SEC63: variants seen among roughly 807,000 people sequenced by gnomAD.
The protein encoded by SEC63 is translocation protein SEC63 homolog.
Under a neutral mutation model 116.2 loss-of-function variants are expected in SEC63, and 56 were observed. The ratio of observed to expected loss-of-function variants is 0.48; its 90% CI spans 0.39 to 0.60. The LOEUF (loss-of-function observed/expected upper bound fraction) is 0.60, where lower values mean the gene tolerates loss of function less well. Among genes scored for constraint, SEC63 ranks in the 20% least tolerant of loss-of-function variants. SEC63 has a pLI of 0.00. For missense variants in SEC63, 668 were observed against 900.0 expected (o/e 0.74, Z 3.30); for synonymous variants, 273 against 294.6 (o/e 0.93, Z 0.75).
At chr6:107,889,725 T>C (rs145565335) in intron 16 of SEC63, among the ~76,000 whole-genome samples, 1,889 of 152,330 alleles carry the variant, frequency 0.012, 21 homozygotes, top group South Asian at 0.026. Context: ...TTTAGTGATA[T>C]AAATTTCCCT....
At chr6:107,938,365 C>G (rs756813901) in intron 1 of SEC63, among the ~76,000 whole-genome samples, 10 of 151,624 alleles carry the variant, frequency 6.6e-5, no homozygotes, top group Non-Finnish European at 1.3e-4. Context: ...ATCCTCTCAC[C>G]TCAGCCTCTG....
At chr6:107,876,880 G>C (rs1260360557) in intron 18 of SEC63, 1 of 509,396 alleles carries the variant, frequency 2.0e-6, no homozygotes, top group East Asian at 3.4e-5. Context: ...CAATTTTGGG[G>C]ATTTCAATAG....
chr6:107,881,061 C>A, intron 18 of SEC63, 88 bp downstream of exon 18: 1 of 920,418 alleles, frequency 1.1e-6, no homozygotes, highest in Non-Finnish European at 1.8e-6. Context: ...TGAACTAATA[C>A]ACACGACAGA....
intron 8 of SEC63, among the ~76,000 whole-genome samples, chr6:107,907,657 T>C (rs1404154356): frequency 1.3e-5 from 2 of 152,210 alleles, no homozygotes; most frequent in Non-Finnish European, 2.9e-5. Context: ...CCTTGGTATT[T>C]TGTCACTTCC....
chr6:107,897,501 A>G, intron 14 of SEC63, 148 bp downstream of exon 14: 2 of 683,450 alleles, frequency 2.9e-6, no homozygotes, highest in Non-Finnish European at 5.2e-6. Context: ...GTCTCATGAA[A>G]ATTAATTTAA....
chr6:107,921,350 A>G (rs1787551717), intron 4 of SEC63, among the ~76,000 whole-genome samples: 1 of 152,222 alleles, frequency 6.6e-6, no homozygotes, highest in Admixed American at 6.5e-5. Flanking sequence ...TTACCACGTT[A>G]GTGCTGCTGT....
intron 2 of SEC63, among the ~76,000 whole-genome samples, chr6:107,928,629 T>C (rs1048764548): frequency 6.6e-6 from 1 of 152,228 alleles, no homozygotes; most frequent in Admixed American, 6.5e-5. Context: ...CTACTCTCAC[T>C]AATTTCTTTT....
intron 1 of SEC63, among the ~76,000 whole-genome samples, chr6:107,952,639 T>C (rs997260342): frequency 1.3e-5 from 2 of 152,032 alleles, no homozygotes; most frequent in African/African-American, 4.8e-5. Flanking sequence ...GCACCTGTAA[T>C]ACCAGCTACT....
At chr6:107,921,015 T>G (rs1047115618) in intron 4 of SEC63, among the ~76,000 whole-genome samples, 2 of 152,198 alleles carry the variant, frequency 1.3e-5, no homozygotes, top group African/African-American at 2.4e-5. Context: ...AAAGGAGACC[T>G]TAAAAATCCA....
Position 107,924,911 on chromosome 6 carries a change from T to C in SEC63, c.246A>G (p.Gly82=). The C allele has an allele frequency of 2.5e-6, 4 of 1,592,640 alleles. No homozygotes were observed. Among genetic ancestry groups the C allele is most frequent in the African/African-American group, 1.3e-5 (1 of 74,564 alleles). The change falls in exon 3 of 21, where the codon GGA becomes GGG. Residue 82 remains glycine (G), a synonymous_variant. Coordinates refer to ENST00000369002, the MANE Select transcript of SEC63 (RefSeq NM_007214.5). The part of the protein sequence containing the change: ...PTVKKIVLLA[G]WALFLFLAYK... ...ATGCAAGGAATAAGAACAATGCCCA[T>C]CCTGCAAGCAGAACTATTTTCCTGT...
At chr6:107,944,488 A>G (rs1770440600) in intron 1 of SEC63, among the ~76,000 whole-genome samples, 1 of 152,114 alleles carries the variant, frequency 6.6e-6, no homozygotes, top group Non-Finnish European at 1.5e-5. Context: ...ACTTGAGGTC[A>G]GGAGTTCAAG....
Position 107,908,984 on chromosome 6 carries a change from G to C in SEC63, c.676C>G (p.Arg226Gly). The C allele has an allele frequency of 6.2e-7, 1 of 1,613,078 alleles. No individual in the cohort carries two copies. The highest frequency in any genetic ancestry group is 2.2e-5 in the East Asian group (1 of 44,840). The change falls in exon 8 of 21, where the codon CGC (arginine) becomes GGC (glycine). Residue 226 changes from arginine to glycine, a missense_variant. Physicochemically the swap from Arg to Gly is moderately radical, Grantham distance 125 (BLOSUM62 -2). This residue lies in a region of SEC63 where 430 missense variants were observed against 557.5 expected (regional missense o/e 0.77). Coordinates refer to ENST00000369002, the MANE Select transcript of SEC63 (RefSeq NM_007214.5). ...AAGTATGTATAAATCTGTGTTGTGC[G>C]TATTAGAATCTGGTCTCCACTATAG... ...IRYSGDQILI[R>G]TTQIYTYFVY...
chr6:107,903,373 C>T (rs1787053807), intron 11 of SEC63, among the ~76,000 whole-genome samples: 1 of 152,008 alleles, frequency 6.6e-6, no homozygotes, highest in Admixed American at 6.6e-5. Context: ...CCAGAAATTC[C>T]CTCATTCTTT....
At position 107,881,259 on chromosome 6, in the gene SEC63, CAAA is replaced by C. The variant is rs774043193; in HGVS notation, c.1834-12_1834-10del. 2 of 1,573,890 alleles carry C rather than the reference CAAA, an allele frequency of 1.3e-6. No individual in the cohort carries two copies. The highest frequency in any genetic ancestry group is 1.8e-4 in the Middle Eastern group (1 of 5,540). Reference sequence around the variant, plus strand: ...TGTAATTCTTGCCACTCCTAGTAAACAAAAAAATTAAAATATTTAAAATCTAGT... The same window carrying C: ...TGTAATTCTTGCCACTCCTAGTAAACAAAATTAAAATATTTAAAATCTAGT... On this transcript the variant is annotated splice_polypyrimidine_tract_variant and intron_variant, in intron 17 of 20. Transcript: ENST00000369002.
intron 1 of SEC63, chr6:107,932,184 A>T (rs1787827181): frequency 6.4e-6 from 1 of 156,662 alleles, no homozygotes; most frequent in Non-Finnish European, 1.4e-5. Flanking sequence ...TGGAGAGAAG[A>T]AGGTGTATGT....
At chr6:107,909,093 C>A (rs1041733167) in intron 7 of SEC63, 58 bp from the exon 8 acceptor site, 20 of 1,172,508 alleles carry the variant, frequency 1.7e-5, no homozygotes, top group Admixed American at 1.1e-4. Context: ...ATAGGCTGGG[C>A]GAGATGGCTC....
intron 1 of SEC63, among the ~76,000 whole-genome samples, chr6:107,946,392 C>T (rs1034116828): frequency 2.0e-4 from 30 of 151,818 alleles, no homozygotes; most frequent in Non-Finnish European, 3.1e-4. Context: ...TTAGTAGAGA[C>T]GGAGTTTCAC....
intron 1 of SEC63, among the ~76,000 whole-genome samples, chr6:107,944,881 G>A (rs1280975461): frequency 4.6e-5 from 7 of 152,054 alleles, no homozygotes; most frequent in South Asian, 2.1e-4. Flanking sequence ...AACAGTGAAC[G>A]CTTAATCAGT....
chr6:107,886,470 C>A (rs1786531637), intron 16 of SEC63, among the ~76,000 whole-genome samples: 1 of 152,220 alleles, frequency 6.6e-6, no homozygotes, highest in South Asian at 2.1e-4. Flanking sequence ...TACAGTCCCA[C>A]CAACAGTGTA....
Sources: allele counts gnomAD v4.1 joint callset (sites outside exome capture counted in the v4.1 genomes callset), GRCh38; gene constraint gnomAD v4.1.1; regional missense constraint gnomAD v4.1.1; transcripts MANE v1.5; gene names NCBI Gene and HGNC (gene_info 2026-07-23, HGNC 2026-07-21).